CHRM3: variants seen among roughly 807,000 people sequenced by gnomAD.
The protein encoded by CHRM3 is muscarinic acetylcholine receptor M3.
A neutral mutation model predicts 41.8 loss-of-function variants in CHRM3; 11 were observed. That is an observed-to-expected ratio of 0.26 (90% confidence interval 0.17 to 0.44). CHRM3 has a LOEUF of 0.44. Ranked by LOEUF, CHRM3 falls within the 20% of genes least tolerant of loss-of-function variation. CHRM3 has a pLI of 1.00. For missense variants in CHRM3, 571 were observed against 745.4 expected (o/e 0.77, Z 2.72); for synonymous variants, 297 against 301.4 (o/e 0.99, Z 0.15).
intron 1 of CHRM3, among the ~76,000 whole-genome samples, chr1:239,408,431 G>A (rs977977843): frequency 1.3e-5 from 2 of 150,256 alleles, no homozygotes; most frequent in Non-Finnish European, 2.9e-5. Flanking sequence ...GGCTGAGGCA[G>A]GAGAATAGCG....
chr1:239,840,669 G>C (rs1673722519), intron 6 of CHRM3, among the ~76,000 whole-genome samples: 1 of 152,072 alleles, frequency 6.6e-6, no homozygotes. Flanking sequence ...ATGCTTTAAA[G>C]ATCTCATTTT....
intron 1 of CHRM3, among the ~76,000 whole-genome samples, chr1:239,395,997 C>A (rs1232642922): frequency 6.6e-6 from 1 of 152,192 alleles, no homozygotes; most frequent in African/African-American, 2.4e-5. Flanking sequence ...TCAAGGTCAC[C>A]CTTCACTTTA....
At chr1:239,819,642 G>T (rs563705656) in intron 5 of CHRM3, among the ~76,000 whole-genome samples, 2 of 152,338 alleles carry the variant, frequency 1.3e-5, no homozygotes, top group South Asian at 4.1e-4. Flanking sequence ...AGTATTTTCT[G>T]TGTTGAAATG....
intron 1 of CHRM3, among the ~76,000 whole-genome samples, chr1:239,411,720 CAAAAAAAAAAAA>C (rs1161775399): frequency 2.4e-4 from 11 of 46,736 alleles, no homozygotes; most frequent in South Asian, 1.2e-3. Flanking sequence ...GCCTCTGTCT[CAAAAAAAAAAAA>C]AAAAAAAAAA....
intron 1 of CHRM3, among the ~76,000 whole-genome samples, chr1:239,435,739 A>G (rs772313005): frequency 5.8e-4 from 88 of 152,198 alleles, no homozygotes; most frequent in Non-Finnish European, 1.1e-3. Flanking sequence ...CATATTATTT[A>G]TAAGAATTTG....
chr1:239,635,796 A>G (rs543663755), intron 4 of CHRM3, among the ~76,000 whole-genome samples: 2 of 152,164 alleles, frequency 1.3e-5, no homozygotes, highest in African/African-American at 2.4e-5. Flanking sequence ...AAACCACCAT[A>G]CTTATAATGA....
intron 4 of CHRM3, among the ~76,000 whole-genome samples, chr1:239,655,716 T>C (rs1193578878): frequency 6.6e-6 from 1 of 152,200 alleles, no homozygotes; most frequent in African/African-American, 2.4e-5. Context: ...ATCAGTATAA[T>C]ATCAGTGTAA....
chr1:239,608,561 T>C (rs1387788583), intron 3 of CHRM3, among the ~76,000 whole-genome samples: 1 of 152,186 alleles, frequency 6.6e-6, no homozygotes, highest in Non-Finnish European at 1.5e-5. Flanking sequence ...ATAGCTACAA[T>C]TGTCAAATCC....
chr1:239,818,362 T>A (rs1671761753), intron 5 of CHRM3, among the ~76,000 whole-genome samples: 1 of 152,176 alleles, frequency 6.6e-6, no homozygotes, highest in Non-Finnish European at 1.5e-5. Flanking sequence ...GTCTTCAAAC[T>A]ATGAATTTTA....
At chr1:239,721,061 A>G (rs1662924458) in intron 5 of CHRM3, among the ~76,000 whole-genome samples, 1 of 151,938 alleles carries the variant, frequency 6.6e-6, no homozygotes, top group Non-Finnish European at 1.5e-5. Flanking sequence ...ATTTTATTCC[A>G]GTGATCCAAT....
chr1:239,850,352 G>A (rs1572484235), intron 6 of CHRM3, among the ~76,000 whole-genome samples: 1 of 152,134 alleles, frequency 6.6e-6, no homozygotes, highest in Admixed American at 6.6e-5. Flanking sequence ...AAGGAAGAGA[G>A]GTGGGGCTGA....
At chr1:239,456,375 A>G (rs529711190) in intron 1 of CHRM3, among the ~76,000 whole-genome samples, 1 of 152,182 alleles carries the variant, frequency 6.6e-6, no homozygotes, top group Non-Finnish European at 1.5e-5. Flanking sequence ...ATGTTTAGAT[A>G]CACAAGTACT....
At chr1:239,744,555 C>T (rs1007017477) in intron 5 of CHRM3, among the ~76,000 whole-genome samples, 4 of 152,156 alleles carry the variant, frequency 2.6e-5, no homozygotes, top group Admixed American at 1.3e-4. Context: ...GGCATGTGAA[C>T]GGCTTGTTCC....
chr1:239,618,652 G>T (rs567663834), intron 3 of CHRM3, among the ~76,000 whole-genome samples: 1 of 151,302 alleles, frequency 6.6e-6, no homozygotes, highest in Non-Finnish European at 1.5e-5. Flanking sequence ...AGACCATCCT[G>T]GCTAACACGG....
intron 2 of CHRM3, among the ~76,000 whole-genome samples, chr1:239,543,055 G>A (rs965328018): frequency 2.1e-4 from 32 of 152,092 alleles, no homozygotes; most frequent in Non-Finnish European, 1.5e-5. Context: ...TCTGTTTGTT[G>A]TTATCATCAC....
chr1:239,654,455 G>C (rs1353259694), intron 4 of CHRM3, among the ~76,000 whole-genome samples: 1 of 152,220 alleles, frequency 6.6e-6, no homozygotes, highest in Non-Finnish European at 1.5e-5. Flanking sequence ...CTAGAGTGCA[G>C]CAGTGCGATC....
chr1:239,766,689 A>AGATATG (rs1667247626), intron 5 of CHRM3, among the ~76,000 whole-genome samples: 1 of 140,916 alleles, frequency 7.1e-6, no homozygotes, highest in Non-Finnish European at 1.5e-5. Context: ...ATATAGATAT[A>AGATATG]GATATAGATA....
intron 5 of CHRM3, among the ~76,000 whole-genome samples, chr1:239,770,764 A>G (rs1310697657): frequency 3.9e-5 from 6 of 152,218 alleles, no homozygotes; most frequent in East Asian, 1.9e-4. Flanking sequence ...ATGCCTGCTT[A>G]TCTCAAAATG....
chr1:239,497,949 C>A (rs933374419), intron 2 of CHRM3, among the ~76,000 whole-genome samples: 1 of 152,116 alleles, frequency 6.6e-6, no homozygotes, highest in Non-Finnish European at 1.5e-5. Flanking sequence ...GAAACCTGAG[C>A]AAATCAACAG....
Sources: allele counts gnomAD v4.1 joint callset (sites outside exome capture counted in the v4.1 genomes callset), GRCh38; gene constraint gnomAD v4.1.1; transcripts MANE v1.5; gene names NCBI Gene and HGNC (gene_info 2026-07-23, HGNC 2026-07-21).